SDCCAG8: variants seen among roughly 807,000 people sequenced by gnomAD.
The protein encoded by SDCCAG8 is serologically defined colon cancer antigen 8.
A neutral mutation model predicts 101.8 loss-of-function variants in SDCCAG8; 74 were observed. That is an observed-to-expected ratio of 0.73 (90% CI 0.60 to 0.88). The LOEUF (loss-of-function observed/expected upper bound fraction) is 0.88. Among genes scored for constraint, SDCCAG8 ranks in the 40% least tolerant of loss-of-function variants. SDCCAG8 has a pLI of 0.00. For synonymous variants in SDCCAG8, 281 were observed against 292.9 expected (o/e 0.96, Z 0.41); for missense variants, 787 against 822.6 (o/e 0.96, Z 0.53).
chr1:243,379,618 C>CT (rs1412436294), intron 13 of SDCCAG8, among the ~76,000 whole-genome samples: 2 of 152,116 alleles, frequency 1.3e-5, no homozygotes, highest in African/African-American at 4.8e-5. Flanking sequence ...AGATATTTCA[C>CT]TTTATCATAT....
At position 243,335,784 on chromosome 1, in the gene SDCCAG8, C is replaced by T. The variant is rs575285651; in HGVS notation, c.1221+5092C>T. Among the ~76,000 whole-genome samples, 11 of 81,526 alleles carry T rather than the reference C, an allele frequency of 1.3e-4. No individual in the cohort carries two copies. In the South Asian group the frequency reaches 2.8e-3, roughly 20 times the overall value. The allele number at this position is 81,526 out of a possible 152,430, so 53.5% of individuals were successfully genotyped here. On this transcript the variant is annotated intron_variant, in intron 10 of 17. Transcript: ENST00000366541. Reference sequence around the variant, plus strand: ...ATAGTTAGTTTTTCAACCCCTACCCCACTCCCTCCCTCTCCTCTCTAGTCA... The same window carrying T: ...ATAGTTAGTTTTTCAACCCCTACCCTACTCCCTCCCTCTCCTCTCTAGTCA...
intron 16 of SDCCAG8, among the ~76,000 whole-genome samples, chr1:243,457,650 C>CT (rs1414748337): frequency 6.6e-6 from 1 of 152,206 alleles, no homozygotes; most frequent in Non-Finnish European, 1.5e-5. Context: ...AGTATAGTAT[C>CT]TAAGTCCAAT....
intron 12 of SDCCAG8, among the ~76,000 whole-genome samples, chr1:243,355,470 G>A (rs543230886): frequency 1.3e-5 from 2 of 152,290 alleles, no homozygotes; most frequent in East Asian, 1.9e-4. Context: ...TAAAGAAAGT[G>A]TGGCTGCCAA....
At chr1:243,306,224 T>C (rs895758486) in intron 7 of SDCCAG8, 6 of 152,158 alleles carry the variant, frequency 3.9e-5, no homozygotes, top group African/African-American at 1.4e-4. Context: ...TTTTACTTTT[T>C]TACAAAGAAA....
At position 243,458,045 on chromosome 1, in the gene SDCCAG8, G is replaced by T. The variant is rs1234432500; in HGVS notation, c.1986-30969G>T. Among the ~76,000 whole-genome samples the T allele has an allele frequency of 6.6e-6, 1 of 152,160 alleles. No individual in the cohort carries two copies. Among genetic ancestry groups the T allele is most frequent in the South Asian group, 2.1e-4 (1 of 4,832 alleles). On this transcript the variant is annotated intron_variant, in intron 16 of 17. Coordinates refer to ENST00000366541, the MANE Select transcript of SDCCAG8 (RefSeq NM_006642.5). This position sits in a 1 kb window ranked among gnomAD's most constrained non-coding sequence, Gnocchi z 4.5. ...ATAGAGGTCCTGCAGAAACCTTCAG[G>T]ACCCATCCCAAAATGACGAAGACAC...
chr1:243,346,645 C>T (rs1434887876), intron 12 of SDCCAG8, among the ~76,000 whole-genome samples: 1 of 152,160 alleles, frequency 6.6e-6, no homozygotes, highest in African/African-American at 2.4e-5. Context: ...GTAACAATGG[C>T]AGTCGCTTCC....
rs570339144 is a variant in SDCCAG8, at chr1:243,392,012, G to A, written c.1616+13149G>A. Reference sequence around the variant, plus strand: ...TGGACGTTGCTTGAGCTTGACAGTCGTCCTAGTTCTATTTCTGATTATTTT... The same window carrying A: ...TGGACGTTGCTTGAGCTTGACAGTCATCCTAGTTCTATTTCTGATTATTTT... On this transcript the variant is annotated intron_variant, in intron 13 of 17. Transcript: ENST00000366541. Among the ~76,000 whole-genome samples the A allele has an allele frequency of 5.9e-5, 9 of 152,246 alleles. No individual in the cohort carries two copies. The Middle Eastern group carries it at 0.01, about 173-fold the overall frequency.
At chr1:243,495,277 G>A (rs959598188) in intron 17 of SDCCAG8, among the ~76,000 whole-genome samples, 7 of 152,208 alleles carry the variant, frequency 4.6e-5, no homozygotes, top group South Asian at 4.1e-4. Context: ...AGTCCAGCTC[G>A]AGATGCTGTC....
rs1558264626 is a variant in SDCCAG8, at chr1:243,304,732, AT to A, written c.696del (p.Tyr232Ter). The A allele has an allele frequency of 5.0e-6, 8 of 1,590,060 alleles. No homozygotes were observed. Among genetic ancestry groups the A allele is most frequent in the Non-Finnish European group, 6.0e-6 (7 of 1,158,280 alleles). On this transcript the variant is annotated frameshift_variant, in exon 7 of 18. Transcript: ENST00000366541. LOFTEE classifies it high-confidence loss of function. ...QLELEKLKLT[Y>X]EEKCEIEESQ... is the part of the protein sequence containing the mutation. The stretch of plus-strand genomic sequence containing the variant: ...CTATAGGAGAAGCTAAAACTTACTT[AT>A]GAGGAAAAGTGTGAAATTGAGGAAT...
intron 10 of SDCCAG8, 110 bp from the exon 11 acceptor site, chr1:243,340,929 A>G: frequency 9.0e-7 from 1 of 1,106,120 alleles, no homozygotes; most frequent in Admixed American, 1.7e-5. Context: ...CCACAGAGAA[A>G]TGGCTCACAG....
chr1:243,390,056 T>C (rs746882347), intron 13 of SDCCAG8, among the ~76,000 whole-genome samples: 3 of 152,210 alleles, frequency 2.0e-5, no homozygotes, highest in Non-Finnish European at 4.4e-5. Context: ...AACAACAAGC[T>C]TAGGTCAAAA....
intron 13 of SDCCAG8, among the ~76,000 whole-genome samples, chr1:243,403,254 C>T (rs959439787): frequency 3.9e-5 from 6 of 152,158 alleles, no homozygotes; most frequent in African/African-American, 7.2e-5. Flanking sequence ...AGGGCTGAGG[C>T]CCAGCCCTGT....
At chr1:243,457,530 A>T (rs894411976) in intron 16 of SDCCAG8, among the ~76,000 whole-genome samples, 7 of 152,212 alleles carry the variant, frequency 4.6e-5, no homozygotes, top group African/African-American at 1.7e-4. Context: ...ATTGACTAGC[A>T]TCATGCATTG....
intron 13 of SDCCAG8, among the ~76,000 whole-genome samples, chr1:243,397,392 C>A (rs576007776): frequency 5.9e-4 from 90 of 152,038 alleles, no homozygotes; most frequent in Non-Finnish European, 9.6e-4. Flanking sequence ...TTAAATCCAT[C>A]CATTAATTTA....
chr1:243,320,422 A>G (rs929750927), intron 9 of SDCCAG8, among the ~76,000 whole-genome samples: 3 of 152,132 alleles, frequency 2.0e-5, no homozygotes, highest in African/African-American at 7.2e-5. Flanking sequence ...CAGTCTCCAC[A>G]TTCTTTCCCA....
intron 1 of SDCCAG8, chr1:243,267,852 T>C: frequency 8.9e-7 from 1 of 1,128,670 alleles, no homozygotes; most frequent in African/African-American, 1.5e-5. Flanking sequence ...CAGCCCATCA[T>C]TGACTGCACT....
chr1:243,400,941 G>A lies in SDCCAG8; in HGVS notation c.1617-14761G>A, dbSNP rs114139875. Reference sequence around the variant, plus strand: ...ATGGCAATATTCCTCCCTTTTATGTGTATTCTTTCCTGTGTTAGGAAGAAA... The same window carrying A: ...ATGGCAATATTCCTCCCTTTTATGTATATTCTTTCCTGTGTTAGGAAGAAA... On this transcript the variant is annotated intron_variant, in intron 13 of 17. Coordinates refer to ENST00000366541, the MANE Select transcript of SDCCAG8 (RefSeq NM_006642.5). Among the ~76,000 whole-genome samples, 988 of 152,214 alleles carry A rather than the reference G, an allele frequency of 6.5e-3. 12 individuals carry two copies. Among genetic ancestry groups the A allele is most frequent in the African/African-American group, 0.022 (909 of 41,524 alleles).
At chr1:243,286,172 A>G (rs780045945) in intron 4 of SDCCAG8, 100 bp from the exon 5 acceptor site, 22 of 1,198,422 alleles carry the variant, frequency 1.8e-5, no homozygotes, top group Non-Finnish European at 2.5e-5. Context: ...AAAGGAGAAC[A>G]TAAGTCTTCC....
At chr1:243,477,356 C>G (rs1662650700) in intron 16 of SDCCAG8, among the ~76,000 whole-genome samples, 1 of 152,144 alleles carries the variant, frequency 6.6e-6, no homozygotes, top group Admixed American at 6.5e-5. Context: ...GCTATCCTCA[C>G]CATTAGTCTG....
Sources: gnomAD v4.1 joint callset for allele counts (sites outside exome capture counted in the v4.1 genomes callset) on GRCh38, gnomAD v4.1.1 for gene constraint, Gnocchi (gnomAD v3.1) non-coding constraint, MANE v1.5 for transcripts, NCBI Gene and HGNC (gene_info 2026-07-23, HGNC 2026-07-21) for gene names.